KY: variants seen among roughly 807,000 people sequenced by gnomAD.
KY encodes the protein kyphoscoliosis peptidase.
In KY, 43 loss-of-function variants were observed where a neutral mutation model predicts 76.1. The observed-to-expected ratio is 0.57, with a 90% CI of 0.44 to 0.73. The LOEUF is 0.73. Ranked by LOEUF, KY falls within the 30% of genes least tolerant of loss-of-function variation. The pLI is 0.00. For missense variants in KY, 722 were observed against 828.9 expected (o/e 0.87, Z 1.58); for synonymous variants, 277 against 326.2 (o/e 0.85, Z 1.63).
chr3:134,605,868 A>C (rs1959187113), intron 10 of KY, among the ~76,000 whole-genome samples: 2 of 149,980 alleles, frequency 1.3e-5, no homozygotes, highest in African/African-American at 2.5e-5. Context: ...CCCTCATCCC[A>C]CTCTCTGAGC....
chr3:134,632,923 G>T (rs4356857), intron 3 of KY, among the ~76,000 whole-genome samples: 148,205 of 152,044 alleles, frequency 0.97, 72,347 homozygotes, highest in East Asian at 1. Context: ...GGAATGAAAT[G>T]AGGGCTATCG....
chr3:134,643,401 C>A (rs774174061), intron 2 of KY, 23 bp from the exon 3 acceptor site: 1 of 1,604,446 alleles, frequency 6.2e-7, no homozygotes, highest in East Asian at 2.2e-5. Flanking sequence ...GACAGAGAGG[C>A]CTGCAGTGAC....
At chr3:134,632,005 T>G (rs1463029064) in intron 3 of KY, among the ~76,000 whole-genome samples, 1 of 152,106 alleles carries the variant, frequency 6.6e-6, no homozygotes, top group Non-Finnish European at 1.5e-5. Flanking sequence ...GGAGTTGCTA[T>G]GTTAATATCA....
At chr3:134,605,535 G>A (rs1419486105) in intron 10 of KY, among the ~76,000 whole-genome samples, 2 of 152,142 alleles carry the variant, frequency 1.3e-5, no homozygotes, top group Non-Finnish European at 2.9e-5. Context: ...AATGGGAGAA[G>A]ACCACATGGG....
chr3:134,649,856 G>T (rs927599118), intron 1 of KY, among the ~76,000 whole-genome samples: 1 of 152,172 alleles, frequency 6.6e-6, no homozygotes, highest in African/African-American at 2.4e-5. Context: ...AAGAACCAAG[G>T]GCAGAGCAGC....
At chr3:134,644,792 G>A (rs1038153406) in intron 2 of KY, among the ~76,000 whole-genome samples, 3 of 152,224 alleles carry the variant, frequency 2.0e-5, no homozygotes, top group Non-Finnish European at 4.4e-5. Context: ...TGATCCACCT[G>A]ACAGAGTCCT....
rs1309077160 is a variant in KY at position 134,603,636 on chromosome 3, C to T, written c.1929G>A (p.Glu643=). 5 of 1,610,928 alleles carry T rather than the reference C, an allele frequency of 3.1e-6. No homozygotes were observed. In the African/African-American group the frequency reaches 6.7e-5, roughly 22 times the overall value. Residue 643 remains glutamate, a synonymous_variant, in exon 11 of 11, where the codon GAG becomes GAA. Coordinates refer to ENST00000423778, the MANE Select transcript of KY (RefSeq NM_178554.6). ...AGGAGTAGAAATTGTGGTTGGCATT[C>T]TCCAGCACCATGACATAGACTTCCT... ...GCQEVYVMVL[E]NANHNFYSYI...
intron 2 of KY, among the ~76,000 whole-genome samples, chr3:134,643,594 C>T (rs941130168): frequency 6.6e-6 from 1 of 152,250 alleles, no homozygotes; most frequent in African/African-American, 2.4e-5. Flanking sequence ...GCACACACCC[C>T]TTGTGCCTCT....
chr3:134,627,538 C>T (rs1484210501), intron 5 of KY, among the ~76,000 whole-genome samples: 1 of 152,164 alleles, frequency 6.6e-6, no homozygotes, highest in Non-Finnish European at 1.5e-5. Context: ...TATACTTTAG[C>T]TTTAGGATGA....
rs1277892076 is a variant in KY, at chr3:134,608,715, G to A, written c.1024C>T (p.His342Tyr). The A allele has an allele frequency of 1.9e-6, 3 of 1,613,938 alleles. No individual in the cohort carries two copies. Among genetic ancestry groups the A allele is most frequent in the East Asian group, 2.2e-5 (1 of 44,898 alleles). Reference protein sequence around the residue: ...SLRQFENNMYHKSEFYNKGML... With the variant: ...SLRQFENNMYYKSEFYNKGML... ...CCTTTGTTGTAGAATTCACTCTTGT[G>A]ATACATGTTGTTCTCAAACTGCCTC... The change falls in exon 10 of 11, where the codon CAC becomes TAC. Residue 342 changes from histidine to tyrosine, a missense_variant. Physicochemically the swap from His to Tyr is moderately conservative, Grantham distance 83. This residue lies in a region of KY where 552 missense variants were observed against 680.9 expected (regional missense o/e 0.81). Coordinates refer to ENST00000423778, the MANE Select transcript of KY (RefSeq NM_178554.6).
intron 8 of KY, among the ~76,000 whole-genome samples, chr3:134,617,524 C>T (rs184879484): frequency 6.6e-6 from 1 of 152,170 alleles, no homozygotes. Context: ...TTCCTGTATG[C>T]ACAGAACACA....
At position 134,603,818 on chromosome 3, in the gene KY, C is replaced by G; in HGVS notation, c.1747G>C (p.Glu583Gln). The change falls in exon 11 of 11, where the codon GAA (glutamate) becomes CAA (glutamine). Residue 583 changes from glutamate (E) to glutamine (Q), a missense_variant. Glu to Gln is a conservative substitution (Grantham distance 29, BLOSUM62 2). This residue lies in a region of KY where 552 missense variants were observed against 680.9 expected (regional missense o/e 0.81). Transcript: ENST00000423778. The stretch of plus-strand genomic sequence containing the variant: ...GCAGGAAGCACACCTGACAGAGGTT[C>G]CAGCAGCTCATTGTCCTGTCCCCAG... ...GNWGQDNELLEPLSGVLPANR... is the reference protein window; with the variant it reads ...GNWGQDNELLQPLSGVLPANR... 6.2e-7 allele frequency: 1 copy of G among 1,613,918 alleles called. No homozygotes were observed. Among genetic ancestry groups the G allele is most frequent in the Non-Finnish European group, 8.5e-7 (1 of 1,179,842 alleles).
chr3:134,606,856 G>T, intron 10 of KY: 1 of 900,944 alleles, frequency 1.1e-6, no homozygotes, highest in Non-Finnish European at 1.3e-6. Context: ...CACTCTCCTA[G>T]AGCCTGGCAG....
chr3:134,608,046 C>G (rs1959549822), intron 10 of KY: 1 of 1,066,400 alleles, frequency 9.4e-7, no homozygotes, highest in Admixed American at 4.9e-5. Context: ...CTAAGGAAGT[C>G]TGCCCCAACT....
In KY at chr3:134,603,317, T is replaced by TGG; in HGVS notation, c.*261_*262insCC. On this transcript the variant is annotated 3_prime_UTR_variant, in exon 11 of 11. Coordinates refer to ENST00000423778, the MANE Select transcript of KY (RefSeq NM_178554.6). ...GGGGCATCTGGATGCAGGTGTACAGTTTACAATACCTTAGATTTACATAGC... is the reference window on the plus strand; with the variant it reads ...GGGGCATCTGGATGCAGGTGTACAGTGGTTACAATACCTTAGATTTACATAGC... 1 of 382,272 alleles carries TGG rather than the reference T, an allele frequency of 2.6e-6. No individual in the cohort carries two copies. Among genetic ancestry groups the TGG allele is most frequent in the Non-Finnish European group, 4.7e-6 (1 of 213,114 alleles). The allele number at this position is 382,272 out of a possible 1,614,324, so 23.7% of individuals were successfully genotyped here.
intron 3 of KY, among the ~76,000 whole-genome samples, chr3:134,640,359 C>A (rs1038558090): frequency 6.6e-6 from 1 of 152,056 alleles, no homozygotes; most frequent in Non-Finnish European, 1.5e-5. Flanking sequence ...GTCTGGTATG[C>A]GACTTCAGGC....
intron 10 of KY, 51 bp downstream of exon 10, chr3:134,608,598 C>T (rs569768597): frequency 3.7e-6 from 6 of 1,613,484 alleles, no homozygotes; most frequent in South Asian, 2.2e-5. Context: ...GAGGACAGTG[C>T]GAAATGCTCC....
chr3:134,615,993 C>T (rs1390983637), intron 8 of KY, among the ~76,000 whole-genome samples: 1 of 152,210 alleles, frequency 6.6e-6, no homozygotes, highest in Non-Finnish European at 1.5e-5. Context: ...CTTTATCCAA[C>T]GTCTCTGAAA....
intron 3 of KY, among the ~76,000 whole-genome samples, chr3:134,635,493 T>TAA (rs10647203): frequency 0.34 from 26,645 of 79,166 alleles, 5,278 homozygotes; most frequent in African/African-American, 0.39. Context: ...CGAGACTCTG[T>TAA]AAAAAAAAAA....
Sources: gnomAD v4.1 joint callset for allele counts (sites outside exome capture counted in the v4.1 genomes callset) on GRCh38, gnomAD v4.1.1 for gene constraint, gnomAD v4.1.1 regional missense constraint, MANE v1.5 for transcripts, NCBI Gene and HGNC (gene_info 2026-07-23, HGNC 2026-07-21) for gene names.